The following MYBPC3 variants were observed in gnomAD, a reference collection of about 807,000 sequenced individuals.
MYBPC3 encodes the protein myosin-binding protein C, cardiac-type.
MYBPC3 carries 108 observed loss-of-function variants against 159.3 expected under a neutral mutation model. The ratio of observed to expected loss-of-function variants is 0.68; its 90% CI spans 0.58 to 0.80. The LOEUF is 0.80. MYBPC3 is among the 30% of genes least tolerant of loss of function. The probability of loss-of-function intolerance (pLI) is 0.00; values close to 1 mark genes in which losing one functional copy is unlikely to be tolerated. For missense variants in MYBPC3, 1,631 were observed against 1,762.1 expected (o/e 0.93, Z 1.33); for synonymous variants, 730 against 702.0 (o/e 1.04, Z -0.63).
intron 5 of MYBPC3, 61 bp from the exon 6 acceptor site, chr11:47,348,602 A>G: frequency 5.1e-6 from 7 of 1,379,256 alleles, no homozygotes; most frequent in Non-Finnish European, 6.0e-6. Flanking sequence ...AAGGCTCCGC[A>G]CCCTTAAAGG....
At position 47,343,044 on chromosome 11, in the gene MYBPC3, C is replaced by T; in HGVS notation, c.1328G>A (p.Cys443Tyr). The change falls in exon 15 of 35, where the codon TGT becomes TAT. Residue 443 changes from cysteine to tyrosine, a missense_variant. Cys to Tyr is a radical substitution (Grantham distance 194). Coordinates refer to ENST00000545968, the MANE Select transcript of MYBPC3 (RefSeq NM_000256.3). ...ACCTTTCACAAAGAGCTCCGTGCTA[C>T]ACTTCTCGCCACCCACCACGCACTG... ...AYQCVVGGEK[C>Y]STELFVKEPP... The T allele has an allele frequency of 5.0e-6, 8 of 1,613,178 alleles. No homozygotes were observed. Among genetic ancestry groups the T allele is most frequent in the Non-Finnish European group, 6.8e-6 (8 of 1,179,684 alleles).
chr11:47,332,478 G>A lies in MYBPC3; in HGVS notation c.3627+88C>T, dbSNP rs975066147. The A allele has an allele frequency of 3.9e-6, 6 of 1,534,264 alleles. No homozygotes were observed. The highest frequency in any genetic ancestry group is 2.7e-5 in the African/African-American group (2 of 72,808). On this transcript the variant is annotated intron_variant, in intron 32 of 34. Transcript: ENST00000545968. The surrounding 1 kb of genome is among the most constrained non-coding windows in gnomAD (Gnocchi z 4.2). ...ACCCCAAGGTGGAGAGAAAGCAGGG[G>A]AGACAGGCTGGGGAGAGGACTGCTC... is the stretch of plus-strand genomic sequence containing the variant.
rs1369737092 is a variant in MYBPC3 at position 47,333,964 on chromosome 11, C to T, written c.2952G>A (p.Gln984=). The T allele has an allele frequency of 6.3e-7, 1 of 1,585,174 alleles. No homozygotes were observed. Among genetic ancestry groups the T allele is most frequent in the East Asian group, 2.3e-5 (1 of 43,306 alleles). ...QLPRHLRQTI[Q]KKVGEPVNLL... ...GGTTCACAGGCTCCCCGACCTTCTT[C>T]TGAATGGTCTGGCGCAGGTGCCTGG... Residue 984 remains glutamine, a synonymous_variant, in exon 28 of 35, where the codon CAG becomes CAA. Transcript: ENST00000545968.
At position 47,337,256 on chromosome 11, in the gene MYBPC3, G is replaced by A; in HGVS notation, c.2602+135C>T. 2 of 948,562 alleles carry A rather than the reference G, an allele frequency of 2.1e-6. 1 individual carries two copies. Among genetic ancestry groups the A allele is most frequent in the South Asian group, 3.8e-5 (2 of 52,100 alleles). The allele number at this position is 948,562 out of a possible 1,614,324, so 58.8% of individuals were successfully genotyped here. A position where few individuals can be genotyped will look rare whatever the true frequency, so the allele number is the denominator to read the frequency against. On this transcript the variant is annotated intron_variant, in intron 25 of 34. Transcript: ENST00000545968. ...GTTTCCTCATCTGTAAAATGCGGCT[G>A]AGTATCCCCAGTCGAGGATGAAAGG...
Position 47,333,605 on chromosome 11 carries a change from G to T in MYBPC3, c.3142C>A (p.Arg1048Ser), listed in dbSNP as rs11570113. 5 of 1,603,436 alleles carry T rather than the reference G, an allele frequency of 3.1e-6. No individual in the cohort carries two copies. The highest frequency in any genetic ancestry group is 2.2e-5 in the South Asian group (2 of 91,092). The change falls in exon 29 of 35, where the codon CGC becomes AGC. Residue 1048 changes from arginine to serine, a missense_variant. By Grantham distance (110) the Arg-to-Ser change is moderately radical. Transcript: ENST00000545968. ...VHSGTYQVTV[R>S]IENMEDKATL... ...GCCTTGTCCTCCATGTTCTCAATGC[G>T]CACCGTCACCTGGTAAGTGCCTGAA...
Position 47,339,699 on chromosome 11 carries a change from G to C in MYBPC3, c.2019C>G (p.Ile673Met), listed in dbSNP as rs746263346. 1.2e-6 allele frequency: 2 copies of C among 1,613,482 alleles called. No individual in the cohort carries two copies. The highest frequency in any genetic ancestry group is 1.7e-6 in the Non-Finnish European group (2 of 1,179,656). Residue 673 changes from isoleucine to methionine, a missense_variant, in exon 21 of 35, where the codon ATC becomes ATG. Transcript: ENST00000545968. ...AGNKLRLDVP[I>M]SGDPAPTVIW... ...TCACAGTGGGAGCAGGGTCCCCAGA[G>C]ATAGGGACGTCCAGACGTAGCTTAT...
chr11:47,339,295 AG>A, intron 22 of MYBPC3, 28 bp downstream of exon 22: 1 of 1,610,306 alleles, frequency 6.2e-7, no homozygotes, highest in East Asian at 2.2e-5. Context: ...AAGACAAACG[AG>A]CCTCCTCCTG....
Position 47,346,493 on chromosome 11 carries a change from G to C in MYBPC3, c.927-123C>G, listed in dbSNP as rs534649837. 2 of 1,451,948 alleles carry C rather than the reference G, an allele frequency of 1.4e-6. No individual in the cohort carries two copies. Among genetic ancestry groups the C allele is most frequent in the African/African-American group, 2.8e-5 (2 of 70,726 alleles). The allele number at this position is 1,451,948 out of a possible 1,614,324, so 89.9% of individuals were successfully genotyped here. A position where few individuals can be genotyped will look rare whatever the true frequency, so the allele number is the denominator to read the frequency against. On this transcript the variant is annotated intron_variant, in intron 11 of 34. Coordinates refer to ENST00000545968, the MANE Select transcript of MYBPC3 (RefSeq NM_000256.3). This position sits in a 1 kb window ranked among gnomAD's most constrained non-coding sequence, Gnocchi z 5.3. ...CCCTCTGCCCCTTCCCTTCTGGTGGGGCAGCTGGAGCTGCTCTGGGTCCCA... is the reference window on the plus strand; with the variant it reads ...CCCTCTGCCCCTTCCCTTCTGGTGGCGCAGCTGGAGCTGCTCTGGGTCCCA...
chr11:47,342,629 A>G lies in MYBPC3; in HGVS notation c.1573T>C (p.Tyr525His), dbSNP rs1555122164. ...NEAMLEDAGH[Y>H]ALCTSGGQAL... ...TGGCCCCCGCTAGTGCACAGTGCAT[A>G]GTGCCCCGCGTCCTCCAGCATGGCC... Residue 525 changes from tyrosine to histidine, a missense_variant, in exon 17 of 35, where the codon TAT (tyrosine) becomes CAT (histidine). Tyr to His is a moderately conservative substitution (Grantham distance 83). Coordinates refer to ENST00000545968, the MANE Select transcript of MYBPC3 (RefSeq NM_000256.3). The G allele has an allele frequency of 6.2e-7, 1 of 1,613,914 alleles. No individual in the cohort carries two copies. The highest frequency in any genetic ancestry group is 1.1e-5 in the South Asian group (1 of 91,084).
At position 47,332,276 on chromosome 11, in the gene MYBPC3, A is replaced by G; in HGVS notation, c.3628-18T>C. ...ATCTTGGGCTATAAATAAGGTAAAG[A>G]GAGGGAGGGAAGCCATCCAGGCTGA... On this transcript the variant is annotated intron_variant, in intron 32 of 34. Transcript: ENST00000545968. The surrounding 1 kb of genome is among the most constrained non-coding windows in gnomAD (Gnocchi z 4.2). 6.2e-7 allele frequency: 1 copy of G among 1,607,284 alleles called. No homozygotes were observed. Among genetic ancestry groups the G allele is most frequent in the Non-Finnish European group, 8.5e-7 (1 of 1,179,488 alleles).
chr11:47,339,851 G>A, intron 20 of MYBPC3, 61 bp from the exon 21 acceptor site: 1 of 1,569,052 alleles, frequency 6.4e-7, no homozygotes, highest in Non-Finnish European at 8.7e-7. Context: ...CAGGTCACTG[G>A]GGCGGGGCTG....
At chr11:47,348,290 G>T in intron 6 of MYBPC3, 134 bp downstream of exon 6, 2 of 695,854 alleles carry the variant, frequency 2.9e-6, no homozygotes, top group Non-Finnish European at 4.9e-6. Flanking sequence ...CACCCTGTGT[G>T]TGCAGCACTG....
chr11:47,351,414 C>A lies in MYBPC3; in HGVS notation c.117G>T (p.Lys39Asn), dbSNP rs747965077. The part of the protein sequence containing the change: ...FEAETERAGV[K>N]VRWQRGGSDI... The stretch of plus-strand genomic sequence containing the variant: ...CACTGCCTCCGCGCTGCCAGCGCAC[C>A]TTCACTCCTGCCCGCTCTGTCTCGG... Residue 39 changes from lysine (K) to asparagine (N), a missense_variant, in exon 2 of 35, where the codon AAG (lysine) becomes AAT (asparagine). Lys to Asn is a moderately conservative substitution (Grantham distance 94, BLOSUM62 0). Coordinates refer to ENST00000545968, the MANE Select transcript of MYBPC3 (RefSeq NM_000256.3). This position sits in a 1 kb window ranked among gnomAD's most constrained non-coding sequence, Gnocchi z 4.2. 7 of 1,610,290 alleles carry A rather than the reference C, an allele frequency of 4.3e-6. No homozygotes were observed. The South Asian group carries it at 5.5e-5, about 13-fold the overall frequency.
At chr11:47,331,737 C>T (rs753565184) in intron 34 of MYBPC3, 21 bp from the exon 35 acceptor site, 25 of 1,162,788 alleles carry the variant, frequency 2.2e-5, no homozygotes, top group Middle Eastern at 4.7e-4. Context: ...GGTTATCTTA[C>T]GAGTGAATGG....
rs902750586 is a variant in MYBPC3, at chr11:47,331,545, G to A, written c.*198C>T. 15 of 305,132 alleles carry A rather than the reference G, an allele frequency of 4.9e-5. No individual in the cohort carries two copies. Among genetic ancestry groups the A allele is most frequent in the Non-Finnish European group, 9.1e-5 (15 of 165,198 alleles). 18.9% of individuals were successfully genotyped at this position (305,132 alleles called of 1,614,324 possible). A position where few individuals can be genotyped will look rare whatever the true frequency, so the allele number is the denominator to read the frequency against. The stretch of plus-strand genomic sequence containing the variant: ...CCAAAGATCCAGGGGCTTCCTTCAG[G>A]AGCCCTGTGGACCAGTCTGTGCAAC... On this transcript the variant is annotated 3_prime_UTR_variant, in exon 35 of 35. Transcript: ENST00000545968.
rs1259569042 is a variant in MYBPC3, at chr11:47,342,608, C to T, written c.1594G>A (p.Gly532Ser). 1 of 1,611,910 alleles carries T rather than the reference C, an allele frequency of 6.2e-7. No individual in the cohort carries two copies. The highest frequency in any genetic ancestry group is 1.7e-5 in the Admixed American group (1 of 59,892). ...AGHYALCTSGGQALAELIVQE... is the reference protein window; with the variant it reads ...AGHYALCTSGSQALAELIVQE... ...ACAATGAGCTCAGCCAGCGCCTGGCCCCCGCTAGTGCACAGTGCATAGTGC... is the reference window on the plus strand; with the variant it reads ...ACAATGAGCTCAGCCAGCGCCTGGCTCCCGCTAGTGCACAGTGCATAGTGC... The change falls in exon 17 of 35, where the codon GGC (glycine) becomes AGC (serine). Residue 532 changes from glycine (G) to serine (S), a missense_variant. By Grantham distance (56) the Gly-to-Ser change is moderately conservative. Coordinates refer to ENST00000545968, the MANE Select transcript of MYBPC3 (RefSeq NM_000256.3).
Position 47,351,672 on chromosome 11 carries a change from G to A in MYBPC3, c.26-167C>T, listed in dbSNP as rs1233390060. On this transcript the variant is annotated intron_variant, in intron 1 of 34. Coordinates refer to ENST00000545968, the MANE Select transcript of MYBPC3 (RefSeq NM_000256.3). The surrounding 1 kb of genome is among the most constrained non-coding windows in gnomAD (Gnocchi z 4.2). ...GTTATTCTGTTCATTTCTCAGAGGAGGACACTGAGGCTCAGAGAAGCTAAG... is the reference window on the plus strand; with the variant it reads ...GTTATTCTGTTCATTTCTCAGAGGAAGACACTGAGGCTCAGAGAAGCTAAG... 2.0e-5 allele frequency among the ~76,000 whole-genome samples: 3 copies of A among 152,218 alleles called. No individual in the cohort carries two copies. The highest frequency in any genetic ancestry group is 4.4e-5 in the Non-Finnish European group (3 of 68,046).
At chr11:47,342,961 G>T in intron 15 of MYBPC3, 26 bp from the exon 16 acceptor site, 2 of 1,611,620 alleles carry the variant, frequency 1.2e-6, no homozygotes, top group Non-Finnish European at 1.7e-6. Flanking sequence ...GAGCATGAGG[G>T]TTGGCTCCCC....
Position 47,331,672 on chromosome 11 carries a change from A to G in MYBPC3, c.*71T>C. ...TCCAACAGTAGGGAGGGGTTTCCCC[A>G]ACTTCCCTCCAGGCTCCTGGCACGG... is the stretch of plus-strand genomic sequence containing the variant. On this transcript the variant is annotated 3_prime_UTR_variant, in exon 35 of 35. Transcript: ENST00000545968. The G allele has an allele frequency of 3.0e-6, 2 of 669,804 alleles. No homozygotes were observed. The highest frequency in any genetic ancestry group is 2.9e-5 in the Admixed American group (1 of 34,044). The allele number at this position is 669,804 out of a possible 1,614,324, so 41.5% of individuals were successfully genotyped here. A position where few individuals can be genotyped will look rare whatever the true frequency, so the allele number is the denominator to read the frequency against.
Sources: gnomAD v4.1 joint callset for allele counts (sites outside exome capture counted in the v4.1 genomes callset) on GRCh38, gnomAD v4.1.1 for gene constraint, Gnocchi (gnomAD v3.1) non-coding constraint, MANE v1.5 for transcripts, NCBI Gene and HGNC (gene_info 2026-07-23, HGNC 2026-07-21) for gene names.